The following IL18R1 variants were observed in gnomAD, a reference collection of about 807,000 sequenced individuals.
IL18R1 encodes the protein interleukin 18 receptor 1, also known as interleukin-18 receptor 1.
In IL18R1, 40 loss-of-function variants were observed where a neutral mutation model predicts 48.5. The observed-to-expected ratio is 0.82, with a 90% CI of 0.64 to 1.07. IL18R1 has a LOEUF of 1.07. Ranked by LOEUF, IL18R1 falls within the 50% of genes least tolerant of loss-of-function variation. The probability of loss-of-function intolerance (pLI) is 0.00; values close to 1 mark genes in which losing one functional copy is unlikely to be tolerated. For synonymous variants in IL18R1, 232 were observed against 225.9 expected (o/e 1.03, Z -0.24); for missense variants, 596 against 633.7 (o/e 0.94, Z 0.64).
chr2:102,373,184 G>T (rs1480080197), intron 4 of IL18R1, among the ~76,000 whole-genome samples: 1 of 151,946 alleles, frequency 6.6e-6, no homozygotes, highest in African/African-American at 2.4e-5. Context: ...CAATTTTGTG[G>T]GTTGCCTGTT....
At chr2:102,366,950 A>G (rs1195156346) in intron 2 of IL18R1, among the ~76,000 whole-genome samples, 3 of 152,230 alleles carry the variant, frequency 2.0e-5, no homozygotes, top group Non-Finnish European at 4.4e-5. Context: ...CCCTGACTAT[A>G]GAGAAGGCAT....
At chr2:102,381,542 G>C (rs1679917501) in intron 5 of IL18R1, 78 bp from the exon 6 acceptor site, 9 of 991,484 alleles carry the variant, frequency 9.1e-6, no homozygotes, top group Non-Finnish European at 1.6e-6. Flanking sequence ...CATGAAATGA[G>C]CATATTATCA....
chr2:102,355,995 G>T lies in IL18R1; in HGVS notation c.-434G>T, dbSNP rs1419574306. The stretch of plus-strand genomic sequence containing the variant: ...CTGCGAGGAGCACCCGGACCGGAGG[G>T]TCCCCAGACCGGGACCTCCGAGTCA... On this transcript the variant is annotated 5_prime_UTR_variant, in exon 1 of 11. Coordinates refer to ENST00000233957, the MANE Select transcript of IL18R1 (RefSeq NM_003855.5). The T allele has an allele frequency of 6.6e-6, 1 of 152,224 alleles. No homozygotes were observed. Among genetic ancestry groups the T allele is most frequent in the Non-Finnish European group, 1.5e-5 (1 of 68,088 alleles). 9.4% of individuals were successfully genotyped at this position (152,224 alleles called of 1,614,324 possible).
intron 6 of IL18R1, 149 bp from the exon 7 acceptor site, chr2:102,384,729 G>T (rs1680122676): frequency 2.8e-6 from 2 of 722,424 alleles, no homozygotes; most frequent in Non-Finnish European, 2.2e-6. Flanking sequence ...TATATATTTT[G>T]TTTTATTTAA....
intron 5 of IL18R1, among the ~76,000 whole-genome samples, chr2:102,377,787 C>T (rs1198860079): frequency 6.6e-6 from 1 of 152,148 alleles, no homozygotes; most frequent in African/African-American, 2.4e-5. Flanking sequence ...CAGCATTGTG[C>T]CCACCTAGAT....
At chr2:102,385,493 C>G (rs71415349) in intron 7 of IL18R1, among the ~76,000 whole-genome samples, 17 of 152,160 alleles carry the variant, frequency 1.1e-4, no homozygotes, top group African/African-American at 4.1e-4. Context: ...ATATAGTCAC[C>G]TAAGCTTTTC....
intron 1 of IL18R1, among the ~76,000 whole-genome samples, chr2:102,359,611 A>G (rs1307069979): frequency 6.6e-6 from 1 of 152,202 alleles, no homozygotes; most frequent in Non-Finnish European, 1.5e-5. Context: ...ACAATGAGAT[A>G]CCATTTTTCC....
chr2:102,389,016 A>G (rs1160249949), intron 8 of IL18R1, among the ~76,000 whole-genome samples: 1 of 152,196 alleles, frequency 6.6e-6, no homozygotes, highest in Non-Finnish European at 1.5e-5. Flanking sequence ...ACATATATGC[A>G]TGTATATATA....
At chr2:102,383,120 G>A (rs1680014050) in intron 6 of IL18R1, among the ~76,000 whole-genome samples, 1 of 151,970 alleles carries the variant, frequency 6.6e-6, no homozygotes, top group African/African-American at 2.4e-5. Context: ...TCTTATTCAT[G>A]TCCAGTTTAG....
chr2:102,384,272 T>A (rs1680093090), intron 6 of IL18R1, among the ~76,000 whole-genome samples: 1 of 152,246 alleles, frequency 6.6e-6, no homozygotes, highest in Admixed American at 6.5e-5. Flanking sequence ...AGTGATATCA[T>A]ACAGCCTTTA....
chr2:102,364,806 G>C (rs537056977), intron 2 of IL18R1, among the ~76,000 whole-genome samples: 8 of 152,048 alleles, frequency 5.3e-5, no homozygotes, highest in Non-Finnish European at 1.2e-4. Context: ...ATAGTGGAAG[G>C]GGAAGAAAAC....
At chr2:102,374,121 G>A (rs917485931) in intron 4 of IL18R1, 36 of 217,256 alleles carry the variant, frequency 1.7e-4, no homozygotes, top group Admixed American at 1.6e-3. Flanking sequence ...GCCCACCCTG[G>A]TCCATGGAAA....
At chr2:102,372,479 T>C (rs772668307) in intron 4 of IL18R1, among the ~76,000 whole-genome samples, 16 of 152,240 alleles carry the variant, frequency 1.1e-4, no homozygotes, top group Non-Finnish European at 2.2e-4. Context: ...CTCAATTGTA[T>C]ATGTTTTTCT....
chr2:102,393,587 A>G (rs912093962), intron 9 of IL18R1, among the ~76,000 whole-genome samples: 4 of 152,190 alleles, frequency 2.6e-5, no homozygotes, highest in Non-Finnish European at 5.9e-5. Flanking sequence ...GTTTTATCCT[A>G]TTAGATTTTA....
intron 1 of IL18R1, among the ~76,000 whole-genome samples, chr2:102,358,115 G>A (rs1678360248): frequency 6.6e-6 from 1 of 152,212 alleles, no homozygotes; most frequent in Non-Finnish European, 1.5e-5. Flanking sequence ...ATTGATTCAT[G>A]TGTGTCCTTG....
chr2:102,381,581 C>A (rs753312923), intron 5 of IL18R1, 39 bp from the exon 6 acceptor site: 10 of 1,446,464 alleles, frequency 6.9e-6, no homozygotes, highest in Admixed American at 5.1e-5. Flanking sequence ...AAGCTCAAGG[C>A]AACACTAATA....
At position 102,377,552 on chromosome 2, in the gene IL18R1, G is replaced by A. The variant is rs11465630; in HGVS notation, c.625+1489G>A. 5.4e-4 allele frequency among the ~76,000 whole-genome samples: 83 copies of A among 152,304 alleles called. 1 individual carries two copies. The highest frequency in any genetic ancestry group is 8.5e-4 in the Non-Finnish European group (58 of 68,020). On this transcript the variant is annotated intron_variant, in intron 5 of 10. Transcript: ENST00000233957. The stretch of plus-strand genomic sequence containing the variant: ...AGGATGGTCTCGATCTCCTGACCTC[G>A]TGATCCCCCTGCCTTGGTCTCCCAA...
intron 10 of IL18R1, among the ~76,000 whole-genome samples, chr2:102,396,092 T>A (rs1359375665): frequency 6.6e-6 from 1 of 152,170 alleles, no homozygotes; most frequent in Non-Finnish European, 1.5e-5. Context: ...TGCTCTTTTC[T>A]GCTTGAGGAG....
Position 102,382,808 on chromosome 2 carries a change from A to AT in IL18R1, c.688+1131dup, listed in dbSNP as rs1367563924. Among the ~76,000 whole-genome samples the AT allele has an allele frequency of 5.3e-5, 8 of 152,040 alleles. No individual in the cohort carries two copies. In the East Asian group the frequency reaches 1.4e-3, roughly 26 times the overall value. ...TGTACATGAGGTTTACCTGCTTTAT[A>AT]TTTTTATTTATTTCTGTCTTTGTCT... On this transcript the variant is annotated intron_variant, in intron 6 of 10. Transcript: ENST00000233957.
Sources: allele counts gnomAD v4.1 joint callset (sites outside exome capture counted in the v4.1 genomes callset), GRCh38; gene constraint gnomAD v4.1.1; transcripts MANE v1.5; gene names NCBI Gene and HGNC (gene_info 2026-07-23, HGNC 2026-07-21).